Variants in EGFLAM observed in about 807,000 individuals in gnomAD.
EGFLAM encodes EGF like, fibronectin type III and laminin G domains.
EGFLAM carries 79 observed loss-of-function variants against 113.1 expected under a neutral mutation model. That is an observed-to-expected ratio of 0.70 (90% CI 0.58 to 0.84). The LOEUF (loss-of-function observed/expected upper bound fraction) is 0.84, where lower values mean the gene tolerates loss of function less well. Ranked by LOEUF, EGFLAM falls within the 40% of genes least tolerant of loss-of-function variation. EGFLAM has a pLI of 0.00. For missense variants in EGFLAM, 1,265 were observed against 1,291.6 expected (o/e 0.98, Z 0.32); for synonymous variants, 504 against 487.6 (o/e 1.03, Z -0.44).
At chr5:38,351,068 T>G (rs1739609169) in intron 4 of EGFLAM, among the ~76,000 whole-genome samples, 2 of 151,330 alleles carry the variant, frequency 1.3e-5, no homozygotes, top group Admixed American at 6.6e-5. Context: ...GAGCTTTTTG[T>G]GGAAGGAGAA....
At chr5:38,351,930 CAG>C (rs990284686) in intron 4 of EGFLAM, among the ~76,000 whole-genome samples, 1 of 152,120 alleles carries the variant, frequency 6.6e-6, no homozygotes, top group South Asian at 2.1e-4. Flanking sequence ...GATTTGCAGT[CAG>C]GGGTGCAACG....
intron 11 of EGFLAM, among the ~76,000 whole-genome samples, chr5:38,414,831 G>C (rs1741590402): frequency 1.3e-5 from 2 of 152,100 alleles, no homozygotes; most frequent in South Asian, 4.1e-4. Context: ...CTCAAGGCCA[G>C]AGCTGAATGG....
chr5:38,407,137 T>C lies in EGFLAM; in HGVS notation c.1138T>C (p.Cys380Arg). The change falls in exon 8 of 22, where the codon TGC (cysteine) becomes CGC (arginine). Residue 380 changes from cysteine (C) to arginine (R), a missense_variant. Physicochemically the swap from Cys to Arg is radical, Grantham distance 180. Transcript: ENST00000322350. ...CACCCTGGGCAAAGGTGGTGAGAGC[T>C]GCTCAGAAGGTAGGCCCTTGGGGGA... is the stretch of plus-strand genomic sequence containing the variant. ...QCTLGKGGES[C>R]SEDIVIQYPQ... 1 of 1,610,652 alleles carries C rather than the reference T, an allele frequency of 6.2e-7. No individual in the cohort carries two copies. Among genetic ancestry groups the C allele is most frequent in the Non-Finnish European group, 8.5e-7 (1 of 1,179,674 alleles).
chr5:38,429,888 G>A (rs1382208111), intron 14 of EGFLAM: 5 of 157,804 alleles, frequency 3.2e-5, no homozygotes, highest in African/African-American at 1.2e-4. Flanking sequence ...CCAAAACAAA[G>A]TATCTAAAAC....
intron 6 of EGFLAM, among the ~76,000 whole-genome samples, chr5:38,380,633 A>T (rs928801539): frequency 2.0e-5 from 3 of 152,246 alleles, no homozygotes; most frequent in African/African-American, 7.2e-5. Context: ...TTCAGTTTGC[A>T]TTTGAGCGTG....
chr5:38,295,822 G>T (rs1362337108), intron 1 of EGFLAM, among the ~76,000 whole-genome samples: 1 of 152,168 alleles, frequency 6.6e-6, no homozygotes, highest in Admixed American at 6.5e-5. Flanking sequence ...TTGATAGTGG[G>T]TTAAAAGACC....
chr5:38,431,652 G>T (rs942852283), intron 15 of EGFLAM, among the ~76,000 whole-genome samples: 2 of 152,124 alleles, frequency 1.3e-5, no homozygotes, highest in Non-Finnish European at 2.9e-5. Context: ...GTGCATGGGG[G>T]AGGCCTGACA....
At chr5:38,273,678 C>T (rs914451534) in intron 1 of EGFLAM, among the ~76,000 whole-genome samples, 1 of 152,218 alleles carries the variant, frequency 6.6e-6, no homozygotes, top group African/African-American at 2.4e-5. Flanking sequence ...TCTTGGGGAC[C>T]ACACCCTGAC....
intron 18 of EGFLAM, among the ~76,000 whole-genome samples, chr5:38,450,809 A>G (rs1406190232): frequency 1.5e-5 from 2 of 133,768 alleles, no homozygotes; most frequent in African/African-American, 8.0e-5. Context: ...ACCATTCACT[A>G]TCAGGCCTTG....
chr5:38,460,711 C>T (rs76550343), intron 20 of EGFLAM, among the ~76,000 whole-genome samples: 3,089 of 152,214 alleles, frequency 0.02, 112 homozygotes, highest in African/African-American at 0.072. Flanking sequence ...AGCAGACAGG[C>T]CTAGAAGGGA....
chr5:38,298,920 C>T (rs1416656208), intron 1 of EGFLAM, among the ~76,000 whole-genome samples: 5 of 152,130 alleles, frequency 3.3e-5, no homozygotes, highest in African/African-American at 9.7e-5. Flanking sequence ...AGGCTGGTCT[C>T]GAACTCCACC....
At chr5:38,445,903 AC>A (rs1742693841) in intron 17 of EGFLAM, among the ~76,000 whole-genome samples, 2 of 151,870 alleles carry the variant, frequency 1.3e-5, no homozygotes, top group South Asian at 2.1e-4. Context: ...GCGCCCACAG[AC>A]CCCCTCGGAA....
intron 16 of EGFLAM, 55 bp from the exon 17 acceptor site, chr5:38,438,220 A>C: frequency 6.4e-7 from 1 of 1,559,104 alleles, no homozygotes; most frequent in Admixed American, 1.8e-5. Context: ...AAGCTTTAGA[A>C]GACTACAAAG....
intron 10 of EGFLAM, among the ~76,000 whole-genome samples, chr5:38,409,957 CTTGTCCTTCT>C (rs1171363616): frequency 3.3e-5 from 5 of 152,128 alleles, no homozygotes; most frequent in African/African-American, 1.2e-4. Context: ...GGGCACCAGC[CTTGTCCTTCT>C]CCGTGGCGCA....
intron 1 of EGFLAM, among the ~76,000 whole-genome samples, chr5:38,263,685 T>C (rs934704159): frequency 6.6e-6 from 1 of 152,240 alleles, no homozygotes. Context: ...TGGCTCGTGC[T>C]GTTTTTTTGA....
At chr5:38,395,673 C>G (rs1391044426) in intron 6 of EGFLAM, among the ~76,000 whole-genome samples, 1 of 152,108 alleles carries the variant, frequency 6.6e-6, no homozygotes, top group African/African-American at 2.4e-5. Context: ...TAGCTTCAGC[C>G]CTCTTGCTGT....
At position 38,258,913 on chromosome 5, in the gene EGFLAM, A is replaced by G. The variant is rs1757426107; in HGVS notation, c.97+62A>G. ...AGCGCCCCTGCTGGGCTCCGGGGCG[A>G]GGACACAGAGCGGGCAGCGCACCGC... is the stretch of plus-strand genomic sequence containing the variant. On this transcript the variant is annotated intron_variant, in intron 1 of 21. Coordinates refer to ENST00000322350, the MANE Select transcript of EGFLAM (RefSeq NM_152403.4). The G allele has an allele frequency of 3.3e-6, 5 of 1,525,760 alleles. No homozygotes were observed. The East Asian group carries it at 7.1e-5, about 22-fold the overall frequency. 94.5% of individuals were successfully genotyped at this position (1,525,760 alleles called of 1,614,324 possible).
At chr5:38,417,369 A>AC (rs56800255) in intron 11 of EGFLAM, among the ~76,000 whole-genome samples, 16 of 126,030 alleles carry the variant, frequency 1.3e-4, no homozygotes, top group African/African-American at 5.3e-4. Context: ...AAAAAAAAAA[A>AC]CAAAAAAAAA....
chr5:38,329,850 C>G (rs974461805), intron 1 of EGFLAM, among the ~76,000 whole-genome samples: 1 of 152,124 alleles, frequency 6.6e-6, no homozygotes, highest in Non-Finnish European at 1.5e-5. Flanking sequence ...TAATTTGTGT[C>G]CCTATGTCTC....
Sources: allele counts gnomAD v4.1 joint callset (sites outside exome capture counted in the v4.1 genomes callset), GRCh38; gene constraint gnomAD v4.1.1; transcripts MANE v1.5; gene names NCBI Gene and HGNC (gene_info 2026-07-23, HGNC 2026-07-21).